Variants in EXOC4 observed in about 807,000 individuals in gnomAD.
EXOC4 encodes SEC8-like 1.
Under a neutral mutation model 107.2 loss-of-function variants are expected in EXOC4, and 71 were observed. The observed-to-expected ratio is 0.66, with a 90% CI of 0.55 to 0.81. EXOC4 has a LOEUF of 0.81. Ranked by LOEUF, EXOC4 falls within the 30% of genes least tolerant of loss-of-function variation. The probability of loss-of-function intolerance (pLI) is 0.00; values close to 1 mark genes in which losing one functional copy is unlikely to be tolerated. For synonymous variants in EXOC4, 456 were observed against 441.2 expected (o/e 1.03, Z -0.42); for missense variants, 1,108 against 1,189.6 (o/e 0.93, Z 1.01).
intron 1 of EXOC4, among the ~76,000 whole-genome samples, chr7:133,273,541 C>G (rs1009474557): frequency 1.3e-5 from 2 of 152,126 alleles, no homozygotes; most frequent in Non-Finnish European, 2.9e-5. Context: ...TCCCCCTACC[C>G]GTATTCATGA....
At chr7:133,544,445 T>C (rs1189015186) in intron 9 of EXOC4, among the ~76,000 whole-genome samples, 1 of 152,158 alleles carries the variant, frequency 6.6e-6, no homozygotes, top group Non-Finnish European at 1.5e-5. Flanking sequence ...TTACCTTACT[T>C]CTACATGTGT....
chr7:133,590,793 A>T (rs1801522983), intron 9 of EXOC4, among the ~76,000 whole-genome samples: 1 of 152,260 alleles, frequency 6.6e-6, no homozygotes, highest in South Asian at 2.1e-4. Context: ...TCTTCAATTC[A>T]TTCCTGTGAC....
chr7:133,817,194 G>T, intron 10 of EXOC4, 131 bp from the exon 11 acceptor site: 2 of 598,344 alleles, frequency 3.3e-6, no homozygotes, highest in South Asian at 2.3e-5. Flanking sequence ...AAATTATATA[G>T]AGATGAGTAT....
At chr7:133,858,921 G>A (rs1194919741) in intron 11 of EXOC4, among the ~76,000 whole-genome samples, 4 of 152,024 alleles carry the variant, frequency 2.6e-5, no homozygotes, top group Admixed American at 1.3e-4. Context: ...AATTCCAGGC[G>A]CCTGTTCTGT....
At chr7:133,376,023 A>G (rs907328290) in intron 7 of EXOC4, among the ~76,000 whole-genome samples, 1 of 152,230 alleles carries the variant, frequency 6.6e-6, no homozygotes, top group Non-Finnish European at 1.5e-5. Flanking sequence ...GAATTGGAAA[A>G]TGGAACTGTG....
At chr7:133,758,408 G>A (rs775459670) in intron 10 of EXOC4, among the ~76,000 whole-genome samples, 18 of 152,148 alleles carry the variant, frequency 1.2e-4, no homozygotes, top group Non-Finnish European at 1.9e-4. Flanking sequence ...CAAAGTGCTG[G>A]GATTACAGGC....
At chr7:133,273,452 C>A (rs564484989) in intron 1 of EXOC4, among the ~76,000 whole-genome samples, 2 of 152,256 alleles carry the variant, frequency 1.3e-5, no homozygotes, top group South Asian at 4.1e-4. Context: ...TTGTGGTTCC[C>A]AGTAGTGTTC....
intron 7 of EXOC4, among the ~76,000 whole-genome samples, chr7:133,466,408 G>T (rs1740006975): frequency 6.6e-6 from 1 of 152,118 alleles, no homozygotes; most frequent in Non-Finnish European, 1.5e-5. Context: ...AGGCTCTACA[G>T]AAATTAAAAG....
At chr7:133,429,216 T>G (rs1797797335) in intron 7 of EXOC4, among the ~76,000 whole-genome samples, 1 of 152,186 alleles carries the variant, frequency 6.6e-6, no homozygotes, top group Admixed American at 6.5e-5. Flanking sequence ...ACTTTTAATT[T>G]TTTTTTGAAT....
chr7:133,552,936 G>A (rs1400872219), intron 9 of EXOC4, among the ~76,000 whole-genome samples: 1 of 152,014 alleles, frequency 6.6e-6, no homozygotes, highest in Non-Finnish European at 1.5e-5. Flanking sequence ...CATTAATAAA[G>A]GAAGGAGGAG....
intron 9 of EXOC4, chr7:133,484,020 A>G (rs1262631777): frequency 6.2e-7 from 1 of 1,613,908 alleles, no homozygotes; most frequent in East Asian, 2.2e-5. Context: ...TTCATACGTC[A>G]ACTTTTCCTT....
chr7:133,740,848 G>C (rs146333694), intron 10 of EXOC4, among the ~76,000 whole-genome samples: 1 of 152,134 alleles, frequency 6.6e-6, no homozygotes, highest in Non-Finnish European at 1.5e-5. Context: ...GACCCTGTTC[G>C]ATGAGTAGGC....
intron 7 of EXOC4, among the ~76,000 whole-genome samples, chr7:133,379,632 A>G (rs114846706): frequency 0.013 from 1,920 of 152,172 alleles, 31 homozygotes; most frequent in African/African-American, 0.044. Flanking sequence ...AGGTCATAAA[A>G]TACTTTGTGA....
At chr7:133,764,094 A>G (rs1046314083) in intron 10 of EXOC4, among the ~76,000 whole-genome samples, 1 of 152,126 alleles carries the variant, frequency 6.6e-6, no homozygotes, top group Non-Finnish European at 1.5e-5. Context: ...TTAGTTGTGA[A>G]GATGAGGTGA....
At chr7:133,518,167 C>A (rs1799914809) in intron 9 of EXOC4, among the ~76,000 whole-genome samples, 2 of 152,006 alleles carry the variant, frequency 1.3e-5, no homozygotes, top group Admixed American at 1.3e-4. Flanking sequence ...TTGCTAGTAT[C>A]CTGTAGTTTA....
At chr7:133,293,375 G>T (rs1382046306) in intron 3 of EXOC4, among the ~76,000 whole-genome samples, 1 of 152,074 alleles carries the variant, frequency 6.6e-6, no homozygotes, top group Non-Finnish European at 1.5e-5. Flanking sequence ...AAAATCTAAG[G>T]CATCTCAAGG....
At chr7:133,331,632 AT>A (rs1226621224) in intron 5 of EXOC4, among the ~76,000 whole-genome samples, 3 of 151,762 alleles carry the variant, frequency 2.0e-5, no homozygotes, top group African/African-American at 7.3e-5. Context: ...CGCCCGGCTA[AT>A]TTTTTGTATT....
chr7:134,091,563 C>T, the EXOC4 span, among the ~76,000 whole-genome samples: 3 of 152,142 alleles, frequency 2.0e-5, no homozygotes, highest in Non-Finnish European at 4.4e-5. Context: ...GAATGCAGCC[C>T]AGTAGGTCTC....
chr7:134,053,698 A>C (rs1405162756), intron 17 of EXOC4, among the ~76,000 whole-genome samples: 1 of 151,862 alleles, frequency 6.6e-6, no homozygotes, highest in Non-Finnish European at 1.5e-5. Flanking sequence ...AACATTTAAA[A>C]TAAGGTGGTC....
Sources: gnomAD v4.1 joint callset for allele counts (sites outside exome capture counted in the v4.1 genomes callset) on GRCh38, gnomAD v4.1.1 for gene constraint, MANE v1.5 for transcripts, NCBI Gene and HGNC (gene_info 2026-07-23, HGNC 2026-07-21) for gene names.